The following SEC14L1 variants were observed in gnomAD, a reference collection of about 807,000 sequenced individuals.
SEC14L1 encodes the protein SEC14 like lipid binding 1.
Under a neutral mutation model 85.3 loss-of-function variants are expected in SEC14L1, and 48 were observed. The ratio of observed to expected loss-of-function variants is 0.56; its 90% CI spans 0.45 to 0.72. SEC14L1 has a LOEUF of 0.72. SEC14L1 is among the 30% of genes least tolerant of loss of function. The pLI is 0.00. For synonymous variants in SEC14L1, 391 were observed against 355.5 expected (o/e 1.10, Z -1.12); for missense variants, 682 against 921.4 (o/e 0.74, Z 3.36).
chr17:77,119,860 A>G (rs1051500332), intron 3 of SEC14L1, among the ~76,000 whole-genome samples: 2 of 152,176 alleles, frequency 1.3e-5, no homozygotes, highest in Admixed American at 1.3e-4. Context: ...TCGCAAATAC[A>G]TTCTGAACCA....
chr17:77,105,785 T>C (rs1033786154), intron 3 of SEC14L1, among the ~76,000 whole-genome samples: 1 of 152,152 alleles, frequency 6.6e-6, no homozygotes, highest in Admixed American at 6.5e-5. Flanking sequence ...GAAGGATGAA[T>C]GGGCCCAGAG....
At chr17:77,098,589 G>T (rs1971701328) in intron 3 of SEC14L1, among the ~76,000 whole-genome samples, 1 of 152,004 alleles carries the variant, frequency 6.6e-6, no homozygotes, top group Non-Finnish European at 1.5e-5. Flanking sequence ...GGCTCATGTT[G>T]AGCCACATGT....
upstream of SEC14L1, among the ~76,000 whole-genome samples, chr17:77,137,568 AGAT>A (rs1426779637): frequency 1.3e-5 from 2 of 152,212 alleles, no homozygotes; most frequent in East Asian, 1.9e-4. Context: ...ATTCAACATG[AGAT>A]TTGAGTTCAG....
intron 3 of SEC14L1, among the ~76,000 whole-genome samples, chr17:77,149,364 A>G (rs1397743036): frequency 1.3e-5 from 2 of 152,152 alleles, no homozygotes; most frequent in African/African-American, 4.8e-5. Flanking sequence ...TGTGAGGATG[A>G]GGACTTGGTG....
intron 3 of SEC14L1, among the ~76,000 whole-genome samples, chr17:77,104,990 A>C (rs1971875052): frequency 6.6e-6 from 1 of 152,004 alleles, no homozygotes; most frequent in Non-Finnish European, 1.5e-5. Context: ...GTCTCTGGAA[A>C]GCCAGGATAA....
intron 3 of SEC14L1, among the ~76,000 whole-genome samples, chr17:77,108,853 GGTTCT>G (rs1051719257): frequency 4.2e-5 from 6 of 143,904 alleles, no homozygotes; most frequent in South Asian, 4.4e-4. Flanking sequence ...GACAGAGTTT[GGTTCT>G]GTCACCCAGG....
Position 77,100,228 on chromosome 17 carries a change from T to G in SEC14L1, c.-136+6881T>G, listed in dbSNP as rs189840353. 4.8e-3 allele frequency among the ~76,000 whole-genome samples: 728 copies of G among 152,286 alleles called. 24 individuals are homozygous for G. The highest frequency in any genetic ancestry group is 0.042 in the Admixed American group (644 of 15,286). On this transcript the variant is annotated intron_variant, in intron 3 of 19. Coordinates refer to the SEC14L1 transcript ENST00000392476. ...GTAGATGTGGACTGACTTCTGCCTA[T>G]TCACCCTCTGCTTCCCCTTCTGCAC...
At chr17:77,089,333 G>T (rs777499299) in intron 2 of SEC14L1, 1 of 511,484 alleles carries the variant, frequency 2.0e-6, no homozygotes, top group East Asian at 5.5e-5. Context: ...CTCCTGTGTT[G>T]TTGAGCCTGC....
intron 11 of SEC14L1, among the ~76,000 whole-genome samples, chr17:77,205,625 C>T: frequency 6.6e-6 from 1 of 152,124 alleles, no homozygotes; most frequent in Non-Finnish European, 1.5e-5. Flanking sequence ...GTTTTTGCCT[C>T]CCCTCCCCAC....
chr17:77,207,992 C>T (rs1418683465), intron 13 of SEC14L1, among the ~76,000 whole-genome samples: 1 of 152,154 alleles, frequency 6.6e-6, no homozygotes, highest in Non-Finnish European at 1.5e-5. Flanking sequence ...CCATGGCACA[C>T]GGCGGTGGCT....
At chr17:77,124,656 G>T (rs775567820) in intron 3 of SEC14L1, among the ~76,000 whole-genome samples, 1 of 152,304 alleles carries the variant, frequency 6.6e-6, no homozygotes. Context: ...CAAGATAAAT[G>T]AAATGATCTT....
At chr17:77,164,112 G>A (rs1308186485) in intron 3 of SEC14L1, among the ~76,000 whole-genome samples, 3 of 152,202 alleles carry the variant, frequency 2.0e-5, no homozygotes, top group East Asian at 1.9e-4. Context: ...TTACAACTGA[G>A]GAAACAGGTT....
chr17:77,194,581 A>G (rs1279491136), intron 6 of SEC14L1, 96 bp from the exon 7 acceptor site: 11 of 892,778 alleles, frequency 1.2e-5, no homozygotes, highest in South Asian at 1.2e-4. Flanking sequence ...GAGGCTCACC[A>G]TCTTCCGTTG....
At chr17:77,144,467 C>T (rs892077184) in intron 3 of SEC14L1, among the ~76,000 whole-genome samples, 1 of 152,184 alleles carries the variant, frequency 6.6e-6, no homozygotes, top group Non-Finnish European at 1.5e-5. Context: ...TGTTTCTGTT[C>T]CTTCTATAAA....
At chr17:77,197,020 G>GA (rs1223969672) in intron 8 of SEC14L1, among the ~76,000 whole-genome samples, 1 of 152,226 alleles carries the variant, frequency 6.6e-6, no homozygotes, top group Non-Finnish European at 1.5e-5. Context: ...CTGAGGCACA[G>GA]AGCAGTGAAG....
rs147342508 is a variant in SEC14L1 at position 77,121,234 on chromosome 17, G to A, written c.-135-21412G>A. On this transcript the variant is annotated intron_variant, in intron 3 of 19. Transcript: ENST00000392476. Reference sequence around the variant, plus strand: ...AGCTAAGAACATCCTGGCTACTGCCGACAAAGCAAAGACAACAGCGGGCAG... The same window carrying A: ...AGCTAAGAACATCCTGGCTACTGCCAACAAAGCAAAGACAACAGCGGGCAG... Among the ~76,000 whole-genome samples, 396 of 152,272 alleles carry A rather than the reference G, an allele frequency of 2.6e-3. 2 individuals carry two copies. The highest frequency in any genetic ancestry group is 8.9e-3 in the African/African-American group (371 of 41,542).
At chr17:77,180,480 G>A (rs963303023) in intron 3 of SEC14L1, among the ~76,000 whole-genome samples, 4 of 152,162 alleles carry the variant, frequency 2.6e-5, no homozygotes, top group Admixed American at 1.3e-4. Context: ...GTGCAGTGGC[G>A]TGATCATGGC....
intron 15 of SEC14L1, chr17:77,212,810 A>T (rs967327567): frequency 1.8e-5 from 3 of 164,788 alleles, no homozygotes; most frequent in Non-Finnish European, 4.0e-5. Context: ...TCCTTTGTCC[A>T]TTTTAAAAAC....
intron 3 of SEC14L1, among the ~76,000 whole-genome samples, chr17:77,156,631 C>G (rs1288210449): frequency 6.7e-6 from 1 of 148,854 alleles, no homozygotes; most frequent in Non-Finnish European, 1.5e-5. Flanking sequence ...TGTATGCTTT[C>G]GTTTCTTGCA....
Sources: gnomAD v4.1 joint callset for allele counts (sites outside exome capture counted in the v4.1 genomes callset) on GRCh38, gnomAD v4.1.1 for gene constraint, MANE v1.5 for transcripts, NCBI Gene and HGNC (gene_info 2026-07-23, HGNC 2026-07-21) for gene names.